THSD7B: variants seen among roughly 807,000 people sequenced by gnomAD.
The protein encoded by THSD7B is thrombospondin type 1 domain containing 7B.
A neutral mutation model predicts 213.6 loss-of-function variants in THSD7B; 138 were observed. That is an observed-to-expected ratio of 0.65 (90% CI 0.56 to 0.74). The LOEUF (loss-of-function observed/expected upper bound fraction) is 0.74. Ranked by LOEUF, THSD7B falls within the 30% of genes least tolerant of loss-of-function variation. The pLI, the probability that THSD7B is intolerant of heterozygous loss-of-function variation, is 0.00. For synonymous variants in THSD7B, 742 were observed against 687.0 expected, an observed-to-expected ratio of 1.08 and a Z score of -1.25; for missense variants, 1,931 against 1,991.5, an observed-to-expected ratio of 0.97 and a Z score of 0.58.
intron 14 of THSD7B, 62 bp from the exon 15 acceptor site, chr2:137,450,783 G>T (rs528714201): frequency 8.1e-6 from 10 of 1,240,594 alleles, no homozygotes; most frequent in Admixed American, 8.0e-5. Context: ...CATGGAAATA[G>T]AAAGTGAATT....
chr2:137,403,602 G>A (rs906435562), intron 12 of THSD7B, among the ~76,000 whole-genome samples: 7 of 152,212 alleles, frequency 4.6e-5, no homozygotes, highest in African/African-American at 1.7e-4. Flanking sequence ...CCAAATATGG[G>A]TAGTCGGTAG....
chr2:137,603,137 G>A (rs969273377), intron 17 of THSD7B, among the ~76,000 whole-genome samples: 1 of 152,090 alleles, frequency 6.6e-6, no homozygotes, highest in Non-Finnish European at 1.5e-5. Context: ...CAGCATGAAC[G>A]CCTCCCCTCG....
chr2:136,823,097 G>C (rs1573654850), intron 1 of THSD7B, among the ~76,000 whole-genome samples: 1 of 152,162 alleles, frequency 6.6e-6, no homozygotes, highest in Non-Finnish European at 1.5e-5. Flanking sequence ...TGGTTAGTTG[G>C]TTGGTTATTT....
At chr2:137,060,902 G>A (rs1038662839) in intron 3 of THSD7B, among the ~76,000 whole-genome samples, 2 of 151,684 alleles carry the variant, frequency 1.3e-5, no homozygotes, top group African/African-American at 4.8e-5. Context: ...CCAAGATTTT[G>A]ATTGGGATTG....
chr2:136,912,657 T>C (rs2105025273), intron 2 of THSD7B, among the ~76,000 whole-genome samples: 1 of 152,292 alleles, frequency 6.6e-6, no homozygotes, highest in African/African-American at 2.4e-5. Flanking sequence ...GGCCAGTTTT[T>C]CCCCTGCTAT....
rs909609125 is a variant in THSD7B at position 137,616,279 on chromosome 2, G to A, written c.3528G>A (p.Leu1176=). 1 of 1,613,720 alleles carries A rather than the reference G, an allele frequency of 6.2e-7. No individual in the cohort carries two copies. The highest frequency in any genetic ancestry group is 1.3e-5 in the African/African-American group (1 of 75,012). ...ACTCACAGGTGCAGCCTTGCCTCCT[G>A]AATGAAAATTGCTTCCAGTTCCAGT... ...AEDSQVQPCL[L]NENCFQFQYN... Residue 1176 remains leucine (L), a synonymous_variant, in exon 18 of 28, where the codon CTG becomes CTA. Coordinates refer to ENST00000409968, the MANE Select transcript of THSD7B (RefSeq NM_001316349.2).
intron 2 of THSD7B, among the ~76,000 whole-genome samples, chr2:137,020,678 G>A (rs766871870): frequency 3.7e-4 from 57 of 152,198 alleles, no homozygotes; most frequent in Non-Finnish European, 7.5e-4. Context: ...GCTGGATTAT[G>A]AGGGAGCCGC....
At position 136,954,334 on chromosome 2, in the gene THSD7B, T is replaced by C. The variant is rs531048932; in HGVS notation, c.139+72017T>C. On this transcript the variant is annotated intron_variant, in intron 2 of 27. Coordinates refer to ENST00000409968, the MANE Select transcript of THSD7B (RefSeq NM_001316349.2). ...AGTAGCCAGATAAGAAAAGGTAAAG[T>C]GTTTTGCAAATCTTCCTTGGCCAGC... Among the ~76,000 whole-genome samples, 7 of 152,234 alleles carry C rather than the reference T, an allele frequency of 4.6e-5. 1 individual carries two copies. The South Asian group carries it at 1.5e-3, about 32-fold the overall frequency.
At chr2:137,163,777 G>T (rs1321780138) in intron 6 of THSD7B, among the ~76,000 whole-genome samples, 1 of 152,184 alleles carries the variant, frequency 6.6e-6, no homozygotes, top group African/African-American at 2.4e-5. Context: ...CAGCATTTAG[G>T]CTCAACAAGG....
intron 2 of THSD7B, among the ~76,000 whole-genome samples, chr2:136,986,568 A>G (rs1339258622): frequency 1.3e-5 from 2 of 152,212 alleles, no homozygotes; most frequent in African/African-American, 2.4e-5. Flanking sequence ...AGCCTCAGGT[A>G]TTTCTTTATA....
chr2:137,508,066 A>G (rs1383925391), intron 15 of THSD7B, among the ~76,000 whole-genome samples: 1 of 152,214 alleles, frequency 6.6e-6, no homozygotes, highest in African/African-American at 2.4e-5. Context: ...TAGTATTTGC[A>G]AAACAATTAA....
At chr2:137,128,924 A>G (rs1378371082) in intron 5 of THSD7B, among the ~76,000 whole-genome samples, 4 of 152,208 alleles carry the variant, frequency 2.6e-5, no homozygotes, top group African/African-American at 9.6e-5. Context: ...TCCAGGCTCA[A>G]TGTGGAGTTT....
intron 7 of THSD7B, among the ~76,000 whole-genome samples, chr2:137,191,025 C>A (rs938505870): frequency 1.3e-5 from 2 of 152,188 alleles, no homozygotes; most frequent in African/African-American, 4.8e-5. Flanking sequence ...CCCAAGCTGC[C>A]TACTGCAGTG....
At chr2:137,518,294 G>A (rs1558824725) in intron 15 of THSD7B, among the ~76,000 whole-genome samples, 1 of 152,172 alleles carries the variant, frequency 6.6e-6, no homozygotes, top group Non-Finnish European at 1.5e-5. Context: ...GACAGCTGCA[G>A]CACTACAGCC....
intron 6 of THSD7B, among the ~76,000 whole-genome samples, chr2:137,164,143 G>A (rs554703581): frequency 6.6e-6 from 1 of 152,228 alleles, no homozygotes; most frequent in African/African-American, 2.4e-5. Flanking sequence ...GATGAAGGGG[G>A]AAAAGAGGCT....
intron 5 of THSD7B, among the ~76,000 whole-genome samples, chr2:137,156,908 G>A (rs967541969): frequency 6.6e-6 from 1 of 152,172 alleles, no homozygotes; most frequent in Non-Finnish European, 1.5e-5. Flanking sequence ...GGGCTGAGGG[G>A]CTTAGAGTAT....
At chr2:137,257,228 A>G (rs544174304) in intron 10 of THSD7B, among the ~76,000 whole-genome samples, 1 of 152,314 alleles carries the variant, frequency 6.6e-6, no homozygotes, top group African/African-American at 2.4e-5. Flanking sequence ...AAGCATATGA[A>G]TTATCATAAC....
intron 17 of THSD7B, among the ~76,000 whole-genome samples, chr2:137,602,340 G>A (rs1682090340): frequency 6.6e-6 from 1 of 151,864 alleles, no homozygotes; most frequent in African/African-American, 2.4e-5. Context: ...CGCAATCTTG[G>A]CTCACTGAAA....
chr2:137,103,512 G>A (rs1688187152), intron 4 of THSD7B, among the ~76,000 whole-genome samples: 1 of 152,086 alleles, frequency 6.6e-6, no homozygotes, highest in Non-Finnish European at 1.5e-5. Flanking sequence ...CATAATGACA[G>A]GATCAAATTC....
Sources: allele counts gnomAD v4.1 joint callset (sites outside exome capture counted in the v4.1 genomes callset), GRCh38; gene constraint gnomAD v4.1.1; transcripts MANE v1.5; gene names NCBI Gene and HGNC (gene_info 2026-07-23, HGNC 2026-07-21).